GRIK4: variants seen among roughly 807,000 people sequenced by gnomAD.
GRIK4 encodes glutamate ionotropic receptor kainate type subunit 4.
GRIK4 carries 40 observed loss-of-function variants against 104.9 expected under a neutral mutation model. The observed-to-expected ratio is 0.38, with a 90% CI of 0.30 to 0.50. GRIK4 has a LOEUF of 0.50. Among genes scored for constraint, GRIK4 ranks in the 20% least tolerant of loss-of-function variants. The pLI, the probability that GRIK4 is intolerant of heterozygous loss-of-function variation, is 0.93. For missense variants in GRIK4, 1,047 were observed against 1,308.1 expected, an observed-to-expected ratio of 0.80 and a Z score of 3.08; for synonymous variants, 485 against 524.9, an observed-to-expected ratio of 0.92 and a Z score of 1.04.
intron 3 of GRIK4, among the ~76,000 whole-genome samples, chr11:120,671,799 C>T (rs1164934311): frequency 6.6e-6 from 1 of 152,138 alleles, no homozygotes; most frequent in African/African-American, 2.4e-5. Flanking sequence ...GAAGTCTTCA[C>T]CCATGCCTAT....
At chr11:120,746,187 T>A (rs1951435241) in intron 3 of GRIK4, among the ~76,000 whole-genome samples, 1 of 152,210 alleles carries the variant, frequency 6.6e-6, no homozygotes, top group Non-Finnish European at 1.5e-5. Flanking sequence ...CTGACCAAAG[T>A]ATTCCTTCCC....
chr11:120,583,351 T>C (rs1417244417), intron 1 of GRIK4, among the ~76,000 whole-genome samples: 1 of 152,256 alleles, frequency 6.6e-6, no homozygotes, highest in Non-Finnish European at 1.5e-5. Context: ...CTCTTTAGTT[T>C]AAGTAGTTTC....
intron 1 of GRIK4, among the ~76,000 whole-genome samples, chr11:120,649,018 G>A (rs938638704): frequency 2.0e-5 from 3 of 152,220 alleles, no homozygotes; most frequent in Non-Finnish European, 2.9e-5. Flanking sequence ...CTTGCCCCAA[G>A]CAGATGGGAG....
At chr11:120,910,583 A>G (rs978217766) in intron 13 of GRIK4, among the ~76,000 whole-genome samples, 1 of 152,206 alleles carries the variant, frequency 6.6e-6, no homozygotes, top group African/African-American at 2.4e-5. Flanking sequence ...GGCAGAGAGG[A>G]GACAGACTGG....
intron 14 of GRIK4, among the ~76,000 whole-genome samples, chr11:120,941,072 G>A (rs192010360): frequency 2.0e-5 from 3 of 152,152 alleles, no homozygotes; most frequent in Admixed American, 6.5e-5. Context: ...TATACTGGCC[G>A]GTGGGAAGAG....
intron 3 of GRIK4, among the ~76,000 whole-genome samples, chr11:120,682,332 C>T (rs377063648): frequency 6.6e-5 from 10 of 152,200 alleles, no homozygotes; most frequent in African/African-American, 2.4e-4. Context: ...AGAGGCCCAG[C>T]GAGGCTTCAC....
rs528059932 is a variant in GRIK4 at position 120,984,171 on chromosome 11, A to G, written c.2515-1733A>G. Among the ~76,000 whole-genome samples the G allele has an allele frequency of 3.3e-5, 5 of 152,372 alleles. No homozygotes were observed. In the South Asian group the frequency reaches 1.0e-3, roughly 32 times the overall value. On this transcript the variant is annotated intron_variant, in intron 20 of 20. Transcript: ENST00000527524. ...TCAGCAAGTAGTTAGAGCAGTCCCA[A>G]TAGCTAAAATAAAGAGTCAGTGCTA...
chr11:120,647,783 G>A (rs564087387), intron 1 of GRIK4, among the ~76,000 whole-genome samples: 59 of 152,330 alleles, frequency 3.9e-4, no homozygotes, highest in African/African-American at 1.4e-3. Context: ...CTTCGCTGTG[G>A]CCGGGCATGC....
At chr11:120,727,302 G>T (rs917592990) in intron 3 of GRIK4, among the ~76,000 whole-genome samples, 1 of 152,192 alleles carries the variant, frequency 6.6e-6, no homozygotes, top group East Asian at 1.9e-4. Context: ...ATTGAACAGG[G>T]TGAGGAAAAT....
At position 120,819,045 on chromosome 11, in the gene GRIK4, T is replaced by C. The variant is rs1255160154; in HGVS notation, c.346-710T>C. Among the ~76,000 whole-genome samples, 3 of 152,192 alleles carry C rather than the reference T, an allele frequency of 2.0e-5. No homozygotes were observed. The highest frequency in any genetic ancestry group is 7.2e-5 in the African/African-American group (3 of 41,444). ...AGAAGAGAGGCAGAAGGCAGGACAG[T>C]GGGTCCTGGAAATGTCAGTAATAGA... is the stretch of plus-strand genomic sequence containing the variant. On this transcript the variant is annotated intron_variant, in intron 5 of 20. Transcript: ENST00000527524. This position sits in a 1 kb window ranked among gnomAD's most constrained non-coding sequence, Gnocchi z 4.3.
intron 3 of GRIK4, among the ~76,000 whole-genome samples, chr11:120,683,990 C>T (rs2135293456): frequency 6.6e-6 from 1 of 152,322 alleles, no homozygotes; most frequent in Non-Finnish European, 1.5e-5. Flanking sequence ...ACCACTAACA[C>T]TTTCTGGCAA....
intron 1 of GRIK4, among the ~76,000 whole-genome samples, chr11:120,582,776 G>A (rs1948605410): frequency 6.6e-6 from 1 of 152,170 alleles, no homozygotes; most frequent in Admixed American, 6.5e-5. Flanking sequence ...CATTTAGGTT[G>A]ATTCCATGTC....
intron 1 of GRIK4, among the ~76,000 whole-genome samples, chr11:120,588,162 G>A (rs561423030): frequency 1.1e-4 from 17 of 152,312 alleles, no homozygotes; most frequent in African/African-American, 4.1e-4. Context: ...GCTGGTGTGT[G>A]GCTGGGCTTG....
chr11:120,605,526 G>C, intron 1 of GRIK4, among the ~76,000 whole-genome samples: 1 of 152,236 alleles, frequency 6.6e-6, no homozygotes, highest in East Asian at 1.9e-4. Flanking sequence ...GCGTCTGAGT[G>C]GGGTGGGTCC....
In GRIK4 at chr11:120,877,748, G is replaced by C. The variant is rs931169368; in HGVS notation, c.1164+2505G>C. ...AAAAAGAAAACGGGGAAAGGAGAAG[G>C]GGGTGGAGATGATTACAGCGGAGGA... On this transcript the variant is annotated intron_variant, in intron 11 of 20. Coordinates refer to ENST00000527524, the MANE Select transcript of GRIK4 (RefSeq NM_014619.5). 5.3e-5 allele frequency among the ~76,000 whole-genome samples: 8 copies of C among 152,156 alleles called. No individual in the cohort carries two copies. The East Asian group carries it at 1.5e-3, about 29-fold the overall frequency.
chr11:120,596,760 T>C (rs1189289955), intron 1 of GRIK4, among the ~76,000 whole-genome samples: 1 of 152,006 alleles, frequency 6.6e-6, no homozygotes, highest in Non-Finnish European at 1.5e-5. Flanking sequence ...AGTGTCACTT[T>C]GTCGCCCAGG....
intron 11 of GRIK4, among the ~76,000 whole-genome samples, chr11:120,883,501 CTCCT>C (rs1955027233): frequency 6.6e-6 from 1 of 152,210 alleles, no homozygotes; most frequent in African/African-American, 2.4e-5. Context: ...GAATCAGGCT[CTCCT>C]GTCCACCCCA....
chr11:120,817,791 C>CCTT (rs1952999283), intron 5 of GRIK4, among the ~76,000 whole-genome samples: 1 of 152,214 alleles, frequency 6.6e-6, no homozygotes, highest in Non-Finnish European at 1.5e-5. Flanking sequence ...CGAAGGCTCC[C>CCTT]CATCAGCTCC....
At chr11:120,608,846 C>A (rs1948995553) in intron 1 of GRIK4, among the ~76,000 whole-genome samples, 1 of 152,140 alleles carries the variant, frequency 6.6e-6, no homozygotes, top group African/African-American at 2.4e-5. Flanking sequence ...GGTGGATAGG[C>A]CTGGCTGGCT....
Sources: gnomAD v4.1 joint callset for allele counts (sites outside exome capture counted in the v4.1 genomes callset) on GRCh38, gnomAD v4.1.1 for gene constraint, Gnocchi (gnomAD v3.1) non-coding constraint, MANE v1.5 for transcripts, NCBI Gene and HGNC (gene_info 2026-07-23, HGNC 2026-07-21) for gene names.